The following RNF24 variants were observed in gnomAD, a reference collection of about 807,000 sequenced individuals.
The protein encoded by RNF24 is ring finger protein 24.
In RNF24, 14 loss-of-function variants were observed where a neutral mutation model predicts 20.0. The ratio of observed to expected loss-of-function variants is 0.70; its 90% confidence interval spans 0.46 to 1.10. RNF24 has a LOEUF of 1.10. RNF24 is among the 50% of genes least tolerant of loss of function. The pLI, the probability that RNF24 is intolerant of heterozygous loss-of-function variation, is 0.00. For missense variants in RNF24, 124 were observed against 177.6 expected, an observed-to-expected ratio of 0.70 and a Z score of 1.71; for synonymous variants, 45 against 61.1, an observed-to-expected ratio of 0.74 and a Z score of 1.23.
intron 4 of RNF24, among the ~76,000 whole-genome samples, chr20:3,938,748 A>AT (rs554719190): frequency 1.7e-4 from 25 of 150,162 alleles, no homozygotes; most frequent in African/African-American, 2.2e-4. Context: ...AAAGTTTTTA[A>AT]TTTTTTTTTT....
At chr20:3,999,644 C>T (rs76148458) in intron 1 of RNF24, among the ~76,000 whole-genome samples, 4 of 152,188 alleles carry the variant, frequency 2.6e-5, no homozygotes, top group Non-Finnish European at 5.9e-5. Context: ...ATCCCAGCTA[C>T]TCAGGAGGCT....
chr20:3,946,240 G>A (rs374964), intron 3 of RNF24, among the ~76,000 whole-genome samples: 1 of 152,094 alleles, frequency 6.6e-6, no homozygotes, highest in Non-Finnish European at 1.5e-5. Flanking sequence ...GCCGAGGTGG[G>A]CGGACTGCTT....
chr20:3,979,103 A>G (rs1979164759), intron 1 of RNF24, among the ~76,000 whole-genome samples: 1 of 150,384 alleles, frequency 6.6e-6, no homozygotes, highest in South Asian at 2.1e-4. Context: ...AAAAAAAAAA[A>G]AAACCCAAAA....
intron 4 of RNF24, among the ~76,000 whole-genome samples, chr20:3,944,940 C>G (rs1233444179): frequency 6.6e-6 from 1 of 152,136 alleles, no homozygotes; most frequent in Non-Finnish European, 1.5e-5. Flanking sequence ...CAAGCAGCAT[C>G]CCTACTGCTA....
At chr20:4,000,239 A>G (rs1981277224) in intron 1 of RNF24, among the ~76,000 whole-genome samples, 1 of 152,170 alleles carries the variant, frequency 6.6e-6, no homozygotes, top group South Asian at 2.1e-4. Context: ...ACGGTATTTT[A>G]ATGGCCAGAT....
At position 3,932,397 on chromosome 20, in the gene RNF24, C is replaced by T. The variant is rs907692356; in HGVS notation, c.*1666G>A. Reference sequence around the variant, plus strand: ...AGGAAGCAGTCCAGTTGGCATACCACGAATAGGTCACACATAGGAAATGGC... The same window carrying T: ...AGGAAGCAGTCCAGTTGGCATACCATGAATAGGTCACACATAGGAAATGGC... On this transcript the variant is annotated 3_prime_UTR_variant, in exon 6 of 6. Coordinates refer to ENST00000358395, the MANE Select transcript of RNF24 (RefSeq NM_001134337.3). 4 of 152,324 alleles carry T rather than the reference C, an allele frequency of 2.6e-5. No homozygotes were observed. Among genetic ancestry groups the T allele is most frequent in the Admixed American group, 6.5e-5 (1 of 15,284 alleles). The allele number at this position is 152,324 out of a possible 1,614,324, so 9.4% of individuals were successfully genotyped here.
chr20:3,941,877 C>A (rs565693625), intron 4 of RNF24, among the ~76,000 whole-genome samples: 3 of 152,152 alleles, frequency 2.0e-5, no homozygotes, highest in Admixed American at 2.0e-4. Context: ...AGTTCAAGAC[C>A]AGCCTGGCTA....
chr20:4,008,059 G>A (rs1195177940), intron 1 of RNF24, among the ~76,000 whole-genome samples: 2 of 151,036 alleles, frequency 1.3e-5, no homozygotes, highest in East Asian at 1.9e-4. Flanking sequence ...ATAAACTGGA[G>A]GAGGCTATAA....
At chr20:3,982,273 T>C (rs1979476158) in intron 1 of RNF24, among the ~76,000 whole-genome samples, 1 of 151,870 alleles carries the variant, frequency 6.6e-6, no homozygotes, top group African/African-American at 2.4e-5. Context: ...TAATAACAAT[T>C]TTAACAGTAT....
At chr20:3,969,775 T>TG (rs1438976220) in intron 1 of RNF24, among the ~76,000 whole-genome samples, 1 of 147,908 alleles carries the variant, frequency 6.8e-6, no homozygotes, top group African/African-American at 2.5e-5. Flanking sequence ...TGAAATCTGT[T>TG]TTTTTTTTTT....
chr20:4,011,907 A>C (rs1242770838), intron 1 of RNF24, among the ~76,000 whole-genome samples: 1 of 152,234 alleles, frequency 6.6e-6, no homozygotes. Flanking sequence ...TGAAGAGCTA[A>C]GAAATAGCAG....
intron 1 of RNF24, among the ~76,000 whole-genome samples, chr20:3,981,877 G>T (rs1979416956): frequency 6.6e-6 from 1 of 152,044 alleles, no homozygotes; most frequent in Admixed American, 6.5e-5. Flanking sequence ...CCAGCACTTG[G>T]GGAGGCAGAG....
intron 1 of RNF24, among the ~76,000 whole-genome samples, chr20:3,980,056 C>T (rs1452091659): frequency 2.6e-5 from 4 of 151,964 alleles, no homozygotes; most frequent in South Asian, 2.1e-4. Context: ...AAGAATGAGA[C>T]AGATAAAAAA....
chr20:3,961,019 C>T (rs2146984557), intron 2 of RNF24, among the ~76,000 whole-genome samples: 1 of 152,192 alleles, frequency 6.6e-6, no homozygotes, highest in African/African-American at 2.4e-5. Flanking sequence ...TCTTGAACTC[C>T]TGACCTCAAG....
At chr20:4,008,555 TA>T (rs1411535438) in intron 1 of RNF24, among the ~76,000 whole-genome samples, 216 of 124,120 alleles carry the variant, frequency 1.7e-3, no homozygotes, top group Middle Eastern at 7.4e-3. Context: ...TATATATATA[TA>T]TTTTTTTTTG....
chr20:3,940,708 A>G (rs1266421308), intron 4 of RNF24, among the ~76,000 whole-genome samples: 1 of 152,186 alleles, frequency 6.6e-6, no homozygotes, highest in Non-Finnish European at 1.5e-5. Context: ...ATTACTGGTA[A>G]GGGATGAATG....
At chr20:3,940,046 C>A (rs2090936835) in intron 4 of RNF24, among the ~76,000 whole-genome samples, 3 of 152,030 alleles carry the variant, frequency 2.0e-5, no homozygotes, top group Admixed American at 1.3e-4. Context: ...ACAACCTCTG[C>A]CTTCTGGGTT....
At chr20:3,988,736 A>T (rs1251719460) in intron 1 of RNF24, among the ~76,000 whole-genome samples, 1 of 152,180 alleles carries the variant, frequency 6.6e-6, no homozygotes, top group African/African-American at 2.4e-5. Context: ...TGGGATTACA[A>T]GCGTGAGCCA....
At chr20:3,943,753 C>G (rs907489165) in intron 4 of RNF24, among the ~76,000 whole-genome samples, 3 of 152,164 alleles carry the variant, frequency 2.0e-5, no homozygotes, top group Non-Finnish European at 4.4e-5. Flanking sequence ...TCTAAACTAA[C>G]AGGTCACACC....
Sources: allele counts gnomAD v4.1 joint callset (sites outside exome capture counted in the v4.1 genomes callset), GRCh38; gene constraint gnomAD v4.1.1; transcripts MANE v1.5; gene names NCBI Gene and HGNC (gene_info 2026-07-23, HGNC 2026-07-21).